IL17RD: variants seen among roughly 807,000 people sequenced by gnomAD.
IL17RD encodes interleukin 17 receptor D, also known as interleukin-17 receptor D.
IL17RD carries 52 observed loss-of-function variants against 80.5 expected under a neutral mutation model. The observed-to-expected ratio is 0.65, with a 90% CI of 0.52 to 0.81. The LOEUF (loss-of-function observed/expected upper bound fraction) is 0.81. Among genes scored for constraint, IL17RD ranks in the 40% least tolerant of loss-of-function variants. IL17RD has a pLI of 0.00. For synonymous variants in IL17RD, 416 were observed against 391.8 expected (o/e 1.06, Z -0.73); for missense variants, 1,024 against 955.1 (o/e 1.07, Z -0.95).
At chr3:57,100,202 T>C (rs6807055) in intron 11 of IL17RD, among the ~76,000 whole-genome samples, 130,278 of 152,256 alleles carry the variant, frequency 0.86, 56,297 homozygotes, top group South Asian at 0.95. Context: ...GGCTAGAGTG[T>C]AGTTATTTTT....
intron 5 of IL17RD, among the ~76,000 whole-genome samples, chr3:57,106,775 T>C (rs1417817052): frequency 6.6e-6 from 1 of 152,162 alleles, no homozygotes; most frequent in African/African-American, 2.4e-5. Flanking sequence ...CACTGTGCCA[T>C]GCTGCTTGCT....
chr3:57,097,502 A>C (rs1326095807), intron 12 of IL17RD, 94 bp downstream of exon 12: 4 of 955,902 alleles, frequency 4.2e-6, no homozygotes, highest in Non-Finnish European at 6.5e-6. Context: ...TTGCCCAATA[A>C]GTTGGCACCA....
intron 8 of IL17RD, 141 bp downstream of exon 8, chr3:57,104,201 A>T: frequency 1.6e-6 from 1 of 611,246 alleles, no homozygotes; most frequent in East Asian, 2.9e-5. Context: ...AACTTTTTTT[A>T]AAAGCATGTT....
At chr3:57,102,892 C>G (rs191264137) in intron 9 of IL17RD, among the ~76,000 whole-genome samples, 199 bp downstream of exon 9, 2 of 151,948 alleles carry the variant, frequency 1.3e-5, no homozygotes, top group East Asian at 1.9e-4. Context: ...TTATCTAGTC[C>G]GAGCTACACA....
Position 57,094,149 on chromosome 3 carries a change from A to G in IL17RD, c.*2244T>C, listed in dbSNP as rs1706618280. ...TGAGTCAAAAAATGCAGCTTTGCTT[A>G]AAACAGATGTTTTGCCGTAATCTGC... On this transcript the variant is annotated 3_prime_UTR_variant, in exon 13 of 13. Coordinates refer to ENST00000296318, the MANE Select transcript of IL17RD (RefSeq NM_017563.5). 1 of 152,226 alleles carries G rather than the reference A, an allele frequency of 6.6e-6. No individual in the cohort carries two copies. Among genetic ancestry groups the G allele is most frequent in the South Asian group, 2.1e-4 (1 of 4,832 alleles). The allele number at this position is 152,226 out of a possible 1,614,324, so 9.4% of individuals were successfully genotyped here.
At chr3:57,098,683 TAC>T in intron 11 of IL17RD, 145 bp from the exon 12 acceptor site, 1 of 636,200 alleles carries the variant, frequency 1.6e-6, no homozygotes, top group Non-Finnish European at 2.8e-6. Flanking sequence ...GGCTCCAGGT[TAC>T]ACCATACCAA....
chr3:57,114,616 G>C (rs140096857), intron 3 of IL17RD, 76 bp downstream of exon 3: 1 of 1,393,374 alleles, frequency 7.2e-7, no homozygotes, highest in African/African-American at 1.4e-5. Flanking sequence ...GGTTCCTGGA[G>C]ACCATCATGT....
At chr3:57,109,708 C>A in intron 4 of IL17RD, 51 bp from the exon 5 acceptor site, 1 of 1,584,932 alleles carries the variant, frequency 6.3e-7, no homozygotes, top group Non-Finnish European at 8.6e-7. Context: ...ACCCACCCCT[C>A]CACCTTCATA....
chr3:57,143,016 G>A (rs1707859714), intron 1 of IL17RD, among the ~76,000 whole-genome samples: 1 of 152,076 alleles, frequency 6.6e-6, no homozygotes, highest in African/African-American at 2.4e-5. Context: ...GTTTCAAACG[G>A]AGCATAAATA....
At chr3:57,124,142 A>G (rs1487829287) in intron 1 of IL17RD, among the ~76,000 whole-genome samples, 1 of 152,202 alleles carries the variant, frequency 6.6e-6, no homozygotes, top group Non-Finnish European at 1.5e-5. Context: ...GGCTGTCCTT[A>G]GCTCAACGCC....
intron 1 of IL17RD, among the ~76,000 whole-genome samples, chr3:57,129,167 G>A (rs1707555830): frequency 6.6e-6 from 1 of 152,082 alleles, no homozygotes; most frequent in Non-Finnish European, 1.5e-5. Context: ...GATTAACTGT[G>A]TCTGTGTATG....
At chr3:57,163,803 A>AGGGGGGGGGGG (rs1401715931) in intron 1 of IL17RD, among the ~76,000 whole-genome samples, 9 of 5,552 alleles carry the variant, frequency 1.6e-3, no homozygotes, top group Admixed American at 3.3e-3. Context: ...CGGGGGGGGA[A>AGGGGGGGGGGG]GGGGGTGGCG....
At chr3:57,134,306 C>G (rs1454880049) in intron 1 of IL17RD, 8 of 685,988 alleles carry the variant, frequency 1.2e-5, no homozygotes, top group Admixed American at 1.1e-4. Context: ...CTGTGACTTT[C>G]CATTCCCGGG....
upstream of IL17RD, chr3:57,165,375 C>A: frequency 1.8e-6 from 2 of 1,131,636 alleles, no homozygotes; most frequent in Non-Finnish European, 1.1e-6. Flanking sequence ...GCGGCGGCCG[C>A]GGCGGCAGCG....
intron 7 of IL17RD, among the ~76,000 whole-genome samples, chr3:57,105,552 AAT>A (rs1553623051): frequency 0.016 from 1,033 of 63,522 alleles, 61 homozygotes; most frequent in African/African-American, 0.086. Flanking sequence ...AAAAAAAAAA[AAT>A]ATATATATAT....
intron 1 of IL17RD, among the ~76,000 whole-genome samples, chr3:57,127,379 A>AATATAT (rs1559477347): frequency 2.4e-5 from 2 of 82,288 alleles, no homozygotes; most frequent in African/African-American, 1.0e-4. Context: ...TATATATATA[A>AATATAT]ATAAATAAAT....
rs373812482 is a variant in IL17RD, at chr3:57,104,345, A to G, written c.810T>C (p.Ile270=). 1.1e-5 allele frequency: 18 copies of G among 1,603,214 alleles called. No individual in the cohort carries two copies. The African/African-American group carries it at 2.4e-4, about 21-fold the overall frequency. Residue 270 remains isoleucine, a synonymous_variant, in exon 8 of 13, where the codon ATT becomes ATC. Transcript: ENST00000296318. ...LQNVSPGDYI[I]ELVDDTNTTR... ...GGCTTTCTTGTGTTATGCATACCTC[A>G]ATTATATAATCCCCTGGAGAAACAT...
At chr3:57,133,699 G>A (rs1707660589) in intron 1 of IL17RD, among the ~76,000 whole-genome samples, 1 of 152,218 alleles carries the variant, frequency 6.6e-6, no homozygotes, top group Non-Finnish European at 1.5e-5. Context: ...CTGGCAAGGA[G>A]TGGTATAGAG....
chr3:57,111,625 A>T (rs1707099662), intron 3 of IL17RD, among the ~76,000 whole-genome samples: 1 of 152,212 alleles, frequency 6.6e-6, no homozygotes, highest in African/African-American at 2.4e-5. Flanking sequence ...TAGTTAACGA[A>T]AGCCAAGTGA....
Sources: allele counts gnomAD v4.1 joint callset (sites outside exome capture counted in the v4.1 genomes callset), GRCh38; gene constraint gnomAD v4.1.1; transcripts MANE v1.5; gene names NCBI Gene and HGNC (gene_info 2026-07-23, HGNC 2026-07-21).